ASNS: variants seen among roughly 807,000 people sequenced by gnomAD.
ASNS encodes the protein asparagine synthetase [glutamine-hydrolyzing].
A neutral mutation model predicts 62.6 loss-of-function variants in ASNS; 37 were observed. The observed-to-expected ratio is 0.59, with a 90% CI of 0.45 to 0.78. The LOEUF (loss-of-function observed/expected upper bound fraction) is 0.78. Among genes scored for constraint, ASNS ranks in the 30% least tolerant of loss-of-function variants. ASNS has a pLI of 0.00. For synonymous variants in ASNS, 207 were observed against 237.9 expected, an observed-to-expected ratio of 0.87 and a Z score of 1.19; for missense variants, 520 against 682.4, an observed-to-expected ratio of 0.76 and a Z score of 2.65.
At chr7:97,920,443 C>A in the ASNS span, among the ~76,000 whole-genome samples, 1 of 152,036 alleles carries the variant, frequency 6.6e-6, no homozygotes, top group Non-Finnish European at 1.5e-5. Flanking sequence ...GGGCTCTGAT[C>A]CTCAGCTGGT....
At chr7:97,910,235 G>C in the ASNS span, among the ~76,000 whole-genome samples, 1 of 152,206 alleles carries the variant, frequency 6.6e-6, no homozygotes. Flanking sequence ...CAGTCACTGG[G>C]AGTGAGCTCC....
chr7:97,853,300 C>T lies in ASNS; in HGVS notation c.1320+5G>A, dbSNP rs1311153201. 1 of 1,613,628 alleles carries T rather than the reference C, an allele frequency of 6.2e-7. No homozygotes were observed. The highest frequency in any genetic ancestry group is 8.5e-7 in the Non-Finnish European group (1 of 1,179,834). Reference sequence around the variant, plus strand: ...GACAGTTTTACCTTGAGTTGATTTACCTACCTTTGGAATTCTCATTTCTGG... The same window carrying T: ...GACAGTTTTACCTTGAGTTGATTTATCTACCTTTGGAATTCTCATTTCTGG... On this transcript the variant is annotated splice_donor_5th_base_variant and intron_variant, in intron 11 of 12. Coordinates refer to ENST00000394308, the MANE Select transcript of ASNS (RefSeq NM_001673.5).
At chr7:97,870,738 A>G (rs1414465272) in intron 1 of ASNS, among the ~76,000 whole-genome samples, 1 of 152,244 alleles carries the variant, frequency 6.6e-6, no homozygotes, top group African/African-American at 2.4e-5. Context: ...GGGTTAGGAA[A>G]GTGCTTTGAA....
chr7:97,858,806 C>T (rs958872669), intron 6 of ASNS, 48 bp downstream of exon 6: 1 of 1,515,114 alleles, frequency 6.6e-7, no homozygotes, highest in African/African-American at 1.4e-5. Context: ...CAAATCATTT[C>T]AATTAAACAC....
the ASNS span, among the ~76,000 whole-genome samples, chr7:97,900,420 A>C: frequency 6.6e-6 from 1 of 152,100 alleles, no homozygotes; most frequent in African/African-American, 2.4e-5. Context: ...ATGCAGAGAA[A>C]TTAGAACCTT....
chr7:97,871,502 T>TAA (rs200115272), intron 1 of ASNS, among the ~76,000 whole-genome samples: 110 of 117,794 alleles, frequency 9.3e-4, no homozygotes, highest in East Asian at 2.0e-3. Context: ...GATTTAAAAT[T>TAA]TAAAAAAAAA....
chr7:97,885,466 T>G, the ASNS span, among the ~76,000 whole-genome samples: 1 of 152,242 alleles, frequency 6.6e-6, no homozygotes, highest in African/African-American at 2.4e-5. Context: ...CCAGACTGTG[T>G]AAGAAAGAAA....
the ASNS span, among the ~76,000 whole-genome samples, chr7:97,896,541 G>A: frequency 7.6e-5 from 11 of 144,316 alleles, no homozygotes; most frequent in South Asian, 1.8e-3. Flanking sequence ...AGCTTGCAGT[G>A]AGCAGAGATC....
the ASNS span, among the ~76,000 whole-genome samples, chr7:97,924,903 G>A: frequency 6.6e-6 from 1 of 152,208 alleles, no homozygotes; most frequent in Non-Finnish European, 1.5e-5. Context: ...TTGGGAGGCC[G>A]AGGCAGGCGG....
chr7:97,928,174 T>C, the ASNS span: 1 of 1,530,390 alleles, frequency 6.5e-7, no homozygotes, highest in Non-Finnish European at 8.7e-7. Context: ...GGCTGTGCGC[T>C]TCCCCCCTCC....
chr7:97,928,391 G>C, the ASNS span: 1 of 662,102 alleles, frequency 1.5e-6, no homozygotes, highest in Middle Eastern at 4.2e-4. Context: ...CGGGCTCGGA[G>C]GGTCCGCGCG....
chr7:97,900,556 T>C, the ASNS span, among the ~76,000 whole-genome samples: 2 of 152,126 alleles, frequency 1.3e-5, no homozygotes, highest in Admixed American at 1.3e-4. Context: ...TAGGCCCAAC[T>C]TGGGCTCTTT....
chr7:97,888,772 C>A, the ASNS span, among the ~76,000 whole-genome samples: 1 of 152,190 alleles, frequency 6.6e-6, no homozygotes, highest in Non-Finnish European at 1.5e-5. Flanking sequence ...AGGACATACA[C>A]TCAGGTTTTC....
the ASNS span, among the ~76,000 whole-genome samples, chr7:97,879,734 G>T: frequency 2.0e-5 from 3 of 152,372 alleles, no homozygotes; most frequent in East Asian, 5.8e-4. Flanking sequence ...ACTGAACCCA[G>T]CTGAGTCACG....
At chr7:97,897,802 C>T in the ASNS span, among the ~76,000 whole-genome samples, 3 of 152,094 alleles carry the variant, frequency 2.0e-5, no homozygotes, top group Non-Finnish European at 2.9e-5. Context: ...ATATCTGTAC[C>T]CCCATATTTA....
At chr7:97,893,904 C>G in the ASNS span, among the ~76,000 whole-genome samples, 1 of 152,202 alleles carries the variant, frequency 6.6e-6, no homozygotes, top group South Asian at 2.1e-4. Context: ...AATATTTCAT[C>G]CAGCAGCAGC....
At chr7:97,928,113 G>T in the ASNS span, 1 of 1,530,544 alleles carries the variant, frequency 6.5e-7, no homozygotes, top group African/African-American at 1.4e-5. Context: ...CTGGGTGCCG[G>T]TCTCCTCCCT....
chr7:97,853,526 G>A lies in ASNS; in HGVS notation c.1239-140C>T, dbSNP rs1791288357. ...TACAGTCACATACAAGCCTCCTAAT[G>A]ACTGCCCTACACTAATGAATAGATA... On this transcript the variant is annotated intron_variant, in intron 10 of 12. Transcript: ENST00000394308. 1.2e-5 allele frequency: 8 copies of A among 652,034 alleles called. No individual in the cohort carries two copies. The East Asian group carries it at 2.2e-4, about 18-fold the overall frequency. The allele number at this position is 652,034 out of a possible 1,614,324, so 40.4% of individuals were successfully genotyped here.
chr7:97,888,403 C>A, the ASNS span, among the ~76,000 whole-genome samples: 2 of 151,298 alleles, frequency 1.3e-5, no homozygotes, highest in Non-Finnish European at 2.9e-5. Context: ...CAGGGTTGGC[C>A]AACTATAGAC....
Sources: allele counts gnomAD v4.1 joint callset (sites outside exome capture counted in the v4.1 genomes callset), GRCh38; gene constraint gnomAD v4.1.1; transcripts MANE v1.5; gene names NCBI Gene and HGNC (gene_info 2026-07-23, HGNC 2026-07-21).